The following PKHD1 variants were observed in gnomAD, a reference collection of about 807,000 sequenced individuals.
The protein encoded by PKHD1 is fibrocystin.
In PKHD1, 291 loss-of-function variants were observed where a neutral mutation model predicts 412.0. That is an observed-to-expected ratio of 0.71 (90% confidence interval 0.64 to 0.78). PKHD1 has a LOEUF of 0.78. PKHD1 is among the 30% of genes least tolerant of loss of function. PKHD1 has a pLI of 0.00. For missense variants in PKHD1, 4,825 were observed against 4,950.7 expected (o/e 0.97, Z 0.76); for synonymous variants, 1,777 against 1,821.5 (o/e 0.98, Z 0.62).
intron 36 of PKHD1, among the ~76,000 whole-genome samples, chr6:51,953,745 T>A (rs1002559402): frequency 2.0e-5 from 3 of 152,064 alleles, no homozygotes; most frequent in East Asian, 1.9e-4. Flanking sequence ...TGCATTTCCA[T>A]GACATAGAAA....
chr6:51,885,981 T>C lies in PKHD1; in HGVS notation c.7110-9A>G. 8 of 1,459,960 alleles carry C rather than the reference T, an allele frequency of 5.5e-6. No homozygotes were observed. Among genetic ancestry groups the C allele is most frequent in the Non-Finnish European group, 7.7e-6 (8 of 1,039,960 alleles). The allele number at this position is 1,459,960 out of a possible 1,614,324, so 90.4% of individuals were successfully genotyped here. ...ATACAAAGAGACCATACCTAAAAAGTGAAACAGAATGAAATTAAGCCAATT... is the reference window on the plus strand; with the variant it reads ...ATACAAAGAGACCATACCTAAAAAGCGAAACAGAATGAAATTAAGCCAATT... On this transcript the variant is annotated splice_polypyrimidine_tract_variant and intron_variant, in intron 44 of 66. Coordinates refer to ENST00000371117, the MANE Select transcript of PKHD1 (RefSeq NM_138694.4).
intron 35 of PKHD1, among the ~76,000 whole-genome samples, chr6:51,984,679 T>C (rs1795995557): frequency 6.6e-6 from 1 of 152,188 alleles, no homozygotes; most frequent in South Asian, 2.1e-4. Context: ...CTGGAGAATG[T>C]AGGAGTATCC....
Position 52,066,026 on chromosome 6 carries a change from A to G in PKHD1, c.830T>C (p.Ile277Thr), listed in dbSNP as rs764492693. 3.1e-6 allele frequency: 5 copies of G among 1,604,122 alleles called. No homozygotes were observed. Among genetic ancestry groups the G allele is most frequent in the Non-Finnish European group, 4.3e-6 (5 of 1,171,672 alleles). The change falls in exon 12 of 67, where the codon ATC (isoleucine) becomes ACC (threonine). Residue 277 changes from isoleucine to threonine, a missense_variant. Coordinates refer to ENST00000371117, the MANE Select transcript of PKHD1 (RefSeq NM_138694.4). ...ETGSLGGRTN[I>T]TITGDFFDNS... ...GTCAAAAAAGTCTCCTGTAATTGTG[A>G]TGTTTGTTCTTCCCCCAAGGCTCCC...
chr6:51,762,663 A>ATTTTT (rs537286606), intron 55 of PKHD1, among the ~76,000 whole-genome samples: 10 of 150,674 alleles, frequency 6.6e-5, no homozygotes, highest in African/African-American at 9.7e-5. Context: ...ATATATATAT[A>ATTTTT]TATTTTCAGG....
intron 52 of PKHD1, among the ~76,000 whole-genome samples, chr6:51,803,674 C>T (rs146639487): frequency 7.3e-5 from 11 of 151,610 alleles, no homozygotes; most frequent in African/African-American, 2.4e-4. Flanking sequence ...AAGAAACAAA[C>T]ATAAATAAAA....
chr6:51,683,852 G>A (rs1582065514), intron 60 of PKHD1, among the ~76,000 whole-genome samples: 2 of 142,828 alleles, frequency 1.4e-5, no homozygotes, highest in African/African-American at 5.7e-5. Flanking sequence ...AAAATTAAAC[G>A]AGAGACACAG....
At chr6:51,926,521 A>G (rs535928388) in intron 37 of PKHD1, among the ~76,000 whole-genome samples, 1 of 152,322 alleles carries the variant, frequency 6.6e-6, no homozygotes, top group East Asian at 1.9e-4. Flanking sequence ...TGTGTTTCTA[A>G]GTGGGGTTCC....
intron 36 of PKHD1, among the ~76,000 whole-genome samples, chr6:51,955,879 GA>G (rs372956495): frequency 2.0e-5 from 3 of 151,962 alleles, no homozygotes; most frequent in African/African-American, 7.2e-5. Flanking sequence ...AAAAAGTAAA[GA>G]AAATTTCACT....
At chr6:51,807,365 G>C (rs535517135) in intron 52 of PKHD1, among the ~76,000 whole-genome samples, 2 of 149,732 alleles carry the variant, frequency 1.3e-5, no homozygotes, top group South Asian at 4.2e-4. Flanking sequence ...TTGAACCCGG[G>C]AGGCAGAGGT....
chr6:51,993,443 TG>T (rs1402914492), intron 35 of PKHD1, among the ~76,000 whole-genome samples: 1 of 152,252 alleles, frequency 6.6e-6, no homozygotes, highest in Non-Finnish European at 1.5e-5. Flanking sequence ...ACCATGAAGC[TG>T]GGAGTTAATT....
At chr6:51,868,131 G>A in intron 47 of PKHD1, 22 bp from the exon 48 acceptor site, 1 of 1,600,242 alleles carries the variant, frequency 6.2e-7, no homozygotes, top group Non-Finnish European at 8.6e-7. Flanking sequence ...AAAACAGAAA[G>A]ATTATTACAC....
chr6:51,885,791 G>A, intron 45 of PKHD1, 76 bp downstream of exon 45: 1 of 930,256 alleles, frequency 1.1e-6, no homozygotes, highest in Non-Finnish European at 1.7e-6. Flanking sequence ...TATGCATAAT[G>A]AATTGCTGTG....
At chr6:51,965,675 C>A (rs1037675345) in intron 35 of PKHD1, among the ~76,000 whole-genome samples, 1 of 151,968 alleles carries the variant, frequency 6.6e-6, no homozygotes, top group Non-Finnish European at 1.5e-5. Context: ...GTCAACAGTA[C>A]TTTTTGTCAG....
chr6:51,860,355 G>A (rs1370561205), intron 48 of PKHD1, among the ~76,000 whole-genome samples: 1 of 152,128 alleles, frequency 6.6e-6, no homozygotes, highest in Non-Finnish European at 1.5e-5. Flanking sequence ...TGACCATGGA[G>A]GGGTCTTCTG....
In PKHD1 at chr6:52,056,637, T is replaced by C. The variant is rs1807789368; in HGVS notation, c.1693+61A>G. Reference sequence around the variant, plus strand: ...GAGAGGAAATGGGGATTGTTCTCATTTTATAGAAAGAAAGAAGACCATGAT... The same window carrying C: ...GAGAGGAAATGGGGATTGTTCTCATCTTATAGAAAGAAAGAAGACCATGAT... On this transcript the variant is annotated intron_variant, in intron 18 of 66. Transcript: ENST00000371117. The C allele has an allele frequency of 3.2e-6, 4 of 1,236,260 alleles. No individual in the cohort carries two copies. In the East Asian group the frequency reaches 9.3e-5, roughly 29 times the overall value. The allele number at this position is 1,236,260 out of a possible 1,614,324, so 76.6% of individuals were successfully genotyped here.
chr6:51,627,201 C>T (rs1252261973), intron 65 of PKHD1, 85 bp from the exon 66 acceptor site: 2 of 1,217,166 alleles, frequency 1.6e-6, no homozygotes, highest in Non-Finnish European at 2.4e-6. Flanking sequence ...TGTATGTACC[C>T]TTGTCCCAAA....
At chr6:51,723,041 TCTAG>T (rs542925764) in intron 60 of PKHD1, among the ~76,000 whole-genome samples, 2 of 152,234 alleles carry the variant, frequency 1.3e-5, no homozygotes, top group Non-Finnish European at 2.9e-5. Context: ...TCATTTCTTT[TCTAG>T]CTAATTTTTT....
At chr6:51,711,986 A>C (rs1780715168) in intron 60 of PKHD1, among the ~76,000 whole-genome samples, 3 of 152,198 alleles carry the variant, frequency 2.0e-5, no homozygotes, top group African/African-American at 7.2e-5. Flanking sequence ...TAGCATGTGA[A>C]TCTAACCAAC....
intron 60 of PKHD1, among the ~76,000 whole-genome samples, chr6:51,698,589 G>T (rs76399237): frequency 1.8e-4 from 28 of 152,160 alleles, no homozygotes; most frequent in African/African-American, 6.0e-4. Flanking sequence ...TTCCTAAGGA[G>T]CACAAGCATC....
Sources: gnomAD v4.1 joint callset for allele counts (sites outside exome capture counted in the v4.1 genomes callset) on GRCh38, gnomAD v4.1.1 for gene constraint, MANE v1.5 for transcripts, NCBI Gene and HGNC (gene_info 2026-07-23, HGNC 2026-07-21) for gene names.